SIPA1L1: variants seen among roughly 807,000 people sequenced by gnomAD.
SIPA1L1 encodes signal-induced proliferation-associated 1-like protein 1.
SIPA1L1 carries 26 observed loss-of-function variants against 162.7 expected under a neutral mutation model. The ratio of observed to expected loss-of-function variants is 0.16; its 90% CI spans 0.12 to 0.22. The LOEUF (loss-of-function observed/expected upper bound fraction) is 0.22, where lower values mean the gene tolerates loss of function less well. Among genes scored for constraint, SIPA1L1 ranks in the 10% least tolerant of loss-of-function variants. The pLI is 1.00. For missense variants in SIPA1L1, 1,874 were observed against 2,241.0 expected, an observed-to-expected ratio of 0.84 and a Z score of 3.31; for synonymous variants, 829 against 837.4, an observed-to-expected ratio of 0.99 and a Z score of 0.17.
intron 5 of SIPA1L1, among the ~76,000 whole-genome samples, chr14:71,600,369 T>C (rs2036589004): frequency 6.6e-6 from 1 of 152,220 alleles, no homozygotes; most frequent in Non-Finnish European, 1.5e-5. Context: ...TTCCCCATTG[T>C]GTGTTCTTGA....
At chr14:71,563,879 G>A (rs2056984073) in intron 4 of SIPA1L1, among the ~76,000 whole-genome samples, 1 of 152,180 alleles carries the variant, frequency 6.6e-6, no homozygotes, top group African/African-American at 2.4e-5. Flanking sequence ...ACTGCAGTGT[G>A]CTTTCCACAG....
At chr14:71,478,485 A>T (rs200294218) in intron 2 of SIPA1L1, among the ~76,000 whole-genome samples, 1 of 152,170 alleles carries the variant, frequency 6.6e-6, no homozygotes, top group South Asian at 2.1e-4. Context: ...AAAGTTTTAT[A>T]GTTTTACATT....
chr14:71,612,808 A>G (rs1403911552), intron 5 of SIPA1L1, among the ~76,000 whole-genome samples: 1 of 152,184 alleles, frequency 6.6e-6, no homozygotes, highest in African/African-American at 2.4e-5. Context: ...GCTTTGAACT[A>G]TTCGCTGTTT....
At chr14:71,587,510 A>G (rs923478956) in intron 4 of SIPA1L1, 61 bp from the exon 5 acceptor site, 3 of 404,056 alleles carry the variant, frequency 7.4e-6, no homozygotes, top group African/African-American at 2.1e-5. Flanking sequence ...GGTTTTGACA[A>G]TTGCATGTTT....
intron 17 of SIPA1L1, among the ~76,000 whole-genome samples, chr14:71,722,399 A>C (rs891949094): frequency 5.9e-5 from 9 of 152,198 alleles, no homozygotes; most frequent in Non-Finnish European, 1.0e-4. Context: ...AGGACGATTC[A>C]TTTTTGACAA....
chr14:71,666,991 C>A (rs534390602), intron 10 of SIPA1L1, among the ~76,000 whole-genome samples: 2 of 152,146 alleles, frequency 1.3e-5, no homozygotes, highest in East Asian at 3.9e-4. Flanking sequence ...AATCAGCATC[C>A]CTATTGTCCA....
chr14:71,342,629 T>C (rs2035778989), intron 2 of SIPA1L1, among the ~76,000 whole-genome samples: 1 of 152,224 alleles, frequency 6.6e-6, no homozygotes, highest in African/African-American at 2.4e-5. Context: ...GTAGTTAACT[T>C]AGATTATGAT....
rs572192453 is a variant in SIPA1L1 at position 71,712,787 on chromosome 14, A to G, written c.4208+3123A>G. Among the ~76,000 whole-genome samples the G allele has an allele frequency of 1.4e-3, 207 of 152,292 alleles. 1 individual carries two copies. The highest frequency in any genetic ancestry group is 3.4e-3 in the Middle Eastern group (1 of 294). ...AAAACCCTACCTCATGCTTGCACATAGATATCTCTTCTGTAACTGACTGAC... is the reference window on the plus strand; with the variant it reads ...AAAACCCTACCTCATGCTTGCACATGGATATCTCTTCTGTAACTGACTGAC... On this transcript the variant is annotated intron_variant, in intron 17 of 23. Coordinates refer to ENST00000381232, the MANE Select transcript of SIPA1L1 (RefSeq NM_001386936.1).
rs772560956 is a variant in SIPA1L1 at position 71,588,932 on chromosome 14, A to G, written c.1060A>G (p.Ile354Val). 10 of 1,613,996 alleles carry G rather than the reference A, an allele frequency of 6.2e-6. No individual in the cohort carries two copies. ...NEAIMNRHNV[I>V]KRRNTTTGAS... ...GGCAATTATGAACAGGCACAATGTT[A>G]TTAAGAGGAGAAACACCACCACTGG... Residue 354 changes from isoleucine (I) to valine (V), a missense_variant, in exon 5 of 24, where the codon ATT (isoleucine) becomes GTT (valine). Physicochemically the swap from Ile to Val is conservative, Grantham distance 29. This residue lies in a region of SIPA1L1 where 685 missense variants were observed against 828.0 expected (regional missense o/e 0.83). Transcript: ENST00000381232. The surrounding 1 kb of genome is among the most constrained non-coding windows in gnomAD (Gnocchi z 4.3).
At chr14:71,668,849 C>G (rs1384536309) in intron 10 of SIPA1L1, among the ~76,000 whole-genome samples, 3 of 152,156 alleles carry the variant, frequency 2.0e-5, no homozygotes, top group Admixed American at 6.5e-5. Context: ...AGCAGAGGCC[C>G]TTTGGAATCT....
chr14:71,402,037 C>T (rs775950782), intron 2 of SIPA1L1, among the ~76,000 whole-genome samples: 12 of 151,888 alleles, frequency 7.9e-5, no homozygotes, highest in Non-Finnish European at 1.5e-4. Context: ...TTGTATCAAG[C>T]GACTTAGGGT....
chr14:71,654,563 T>C (rs2042899043), intron 8 of SIPA1L1, among the ~76,000 whole-genome samples: 3 of 152,196 alleles, frequency 2.0e-5, no homozygotes, highest in South Asian at 2.1e-4. Context: ...GTTTGTTTTC[T>C]CCTCCATTTT....
intron 2 of SIPA1L1, among the ~76,000 whole-genome samples, chr14:71,322,348 A>C (rs915103247): frequency 6.6e-6 from 1 of 152,256 alleles, no homozygotes; most frequent in African/African-American, 2.4e-5. Context: ...AGGTTAGATC[A>C]TACTGAATTC....
chr14:71,415,945 G>C (rs527504009), intron 2 of SIPA1L1: 1 of 152,206 alleles, frequency 6.6e-6, no homozygotes, highest in Non-Finnish European at 1.5e-5. Context: ...TGATCGGCCT[G>C]CCTCGGCTTC....
intron 12 of SIPA1L1, among the ~76,000 whole-genome samples, chr14:71,676,843 A>G (rs1256537636): frequency 2.0e-5 from 3 of 152,126 alleles, no homozygotes. Context: ...TCCATGGTGT[A>G]CATGTGCCAC....
chr14:71,430,779 G>A (rs1462932653), intron 2 of SIPA1L1, among the ~76,000 whole-genome samples: 2 of 152,144 alleles, frequency 1.3e-5, no homozygotes, highest in Admixed American at 6.5e-5. Flanking sequence ...TTCCTTGCTT[G>A]CAATTTCTCT....
chr14:71,502,225 G>T (rs1166780840), intron 2 of SIPA1L1, among the ~76,000 whole-genome samples: 2 of 124,946 alleles, frequency 1.6e-5, no homozygotes, highest in African/African-American at 6.2e-5. Context: ...ACTATCATGA[G>T]AGCCTTTGAG....
intron 4 of SIPA1L1, among the ~76,000 whole-genome samples, chr14:71,544,726 T>C (rs772845958): frequency 8.5e-5 from 13 of 152,262 alleles, no homozygotes; most frequent in African/African-American, 2.6e-4. Context: ...TCTTTTCCCA[T>C]TGAGCTGAGT....
chr14:71,568,302 A>G (rs1178678066), intron 4 of SIPA1L1, among the ~76,000 whole-genome samples: 1 of 152,170 alleles, frequency 6.6e-6, no homozygotes, highest in Admixed American at 6.5e-5. Flanking sequence ...AGGGACAAAA[A>G]TCCATCTTTT....
Sources: gnomAD v4.1 joint callset for allele counts (sites outside exome capture counted in the v4.1 genomes callset) on GRCh38, gnomAD v4.1.1 for gene constraint, gnomAD v4.1.1 regional missense constraint, Gnocchi (gnomAD v3.1) non-coding constraint, MANE v1.5 for transcripts, NCBI Gene and HGNC (gene_info 2026-07-23, HGNC 2026-07-21) for gene names.